NLGN1: variants seen among roughly 807,000 people sequenced by gnomAD.
NLGN1 encodes neuroligin-1.
A neutral mutation model predicts 65.5 loss-of-function variants in NLGN1; 12 were observed. The observed-to-expected ratio is 0.18, with a 90% CI of 0.12 to 0.30. NLGN1 has a LOEUF of 0.30. NLGN1 is among the 10% of genes least tolerant of loss of function. The probability of loss-of-function intolerance (pLI) is 1.00; values close to 1 mark genes in which losing one functional copy is unlikely to be tolerated. For synonymous variants in NLGN1, 350 were observed against 359.5 expected (o/e 0.97, Z 0.30); for missense variants, 750 against 1,007.1 (o/e 0.74, Z 3.46).
intron 2 of NLGN1, among the ~76,000 whole-genome samples, chr3:173,514,787 C>T (rs1360886767): frequency 6.6e-6 from 1 of 152,170 alleles, no homozygotes; most frequent in Non-Finnish European, 1.5e-5. Flanking sequence ...GCTTATTTCA[C>T]TTAGTACAAT....
chr3:173,446,693 G>A (rs1414069500), intron 2 of NLGN1, among the ~76,000 whole-genome samples: 1 of 152,136 alleles, frequency 6.6e-6, no homozygotes, highest in Non-Finnish European at 1.5e-5. Context: ...CAGTAAAAGT[G>A]TTACTATTTG....
At chr3:174,040,205 C>CT (rs1731978158) in intron 4 of NLGN1, among the ~76,000 whole-genome samples, 1 of 151,858 alleles carries the variant, frequency 6.6e-6, no homozygotes, top group African/African-American at 2.4e-5. Flanking sequence ...GGACTAGGGG[C>CT]TAAAGAAGGC....
intron 4 of NLGN1, among the ~76,000 whole-genome samples, chr3:174,036,527 A>G (rs922300788): frequency 1.5e-4 from 23 of 151,952 alleles, no homozygotes; most frequent in African/African-American, 5.6e-4. Flanking sequence ...AGTAGGGAAC[A>G]ACCCAAACAC....
At position 174,111,159 on chromosome 3, in the gene NLGN1, C is replaced by T. The variant is rs80149458; in HGVS notation, c.647-164156C>T. 1.7e-4 allele frequency among the ~76,000 whole-genome samples: 26 copies of T among 152,012 alleles called. No homozygotes were observed. The East Asian group carries it at 3.5e-3, about 20-fold the overall frequency. ...ACTATTAGATTTTACATTTTGCTAACTACTAATCTGCCAGTCTAAGAGAGG... is the reference window on the plus strand; with the variant it reads ...ACTATTAGATTTTACATTTTGCTAATTACTAATCTGCCAGTCTAAGAGAGG... On this transcript the variant is annotated intron_variant, in intron 4 of 6. Coordinates refer to ENST00000457714, the Ensembl canonical transcript of NLGN1.
chr3:173,873,435 T>A (rs1731547921), intron 4 of NLGN1, among the ~76,000 whole-genome samples: 1 of 152,158 alleles, frequency 6.6e-6, no homozygotes, highest in Non-Finnish European at 1.5e-5. Flanking sequence ...AGATGATTTT[T>A]GAAAAATATT....
At chr3:173,963,621 A>G (rs1714116987) in intron 4 of NLGN1, among the ~76,000 whole-genome samples, 1 of 152,206 alleles carries the variant, frequency 6.6e-6, no homozygotes, top group Non-Finnish European at 1.5e-5. Context: ...TGATTTGTGG[A>G]ATTTGGATAT....
intron 3 of NLGN1, among the ~76,000 whole-genome samples, chr3:173,723,477 C>G (rs557019062): frequency 1.3e-5 from 2 of 152,070 alleles, no homozygotes; most frequent in Admixed American, 1.3e-4. Flanking sequence ...ACAATAACTT[C>G]TCATTTCAAT....
chr3:173,900,587 A>G lies in NLGN1; in HGVS notation c.646+92755A>G, dbSNP rs1375601818. On this transcript the variant is annotated intron_variant, in intron 4 of 6. Transcript: ENST00000457714. ...ATCTCTGTTCTTTTTAGTTTTTCAT[A>G]AGAATGGGAGCAGAGAAAAAGGGAA... 1.7e-4 allele frequency among the ~76,000 whole-genome samples: 26 copies of G among 152,032 alleles called. 1 individual carries two copies.
chr3:173,919,555 G>A (rs1008954051), intron 4 of NLGN1, among the ~76,000 whole-genome samples: 3 of 152,124 alleles, frequency 2.0e-5, no homozygotes, highest in African/African-American at 7.2e-5. Context: ...CCAGCTAATG[G>A]TAGAGTTAAG....
chr3:174,157,698 G>A (rs9856353), intron 4 of NLGN1, among the ~76,000 whole-genome samples: 52,730 of 151,498 alleles, frequency 0.35, 11,807 homozygotes, highest in East Asian at 0.64. Context: ...TAACCTCTTC[G>A]TCTGCTGGAA....
At position 173,701,962 on chromosome 3, in the gene NLGN1, G is replaced by A. The variant is rs145940068; in HGVS notation, c.493+96871G>A. On this transcript the variant is annotated intron_variant, in intron 3 of 6. Transcript: ENST00000457714. ...TCATGTTTAAGAAGAGTTTTCGGCC[G>A]GGCGCGGTGGCTCACGCCTGTAATC... is the stretch of plus-strand genomic sequence containing the variant. 3.0e-3 allele frequency among the ~76,000 whole-genome samples: 459 copies of A among 152,258 alleles called. 1 individual carries two copies. Among genetic ancestry groups the A allele is most frequent in the African/African-American group, 0.011 (437 of 41,560 alleles).
At position 174,047,753 on chromosome 3, in the gene NLGN1, A is replaced by G. The variant is rs561112203; in HGVS notation, c.647-227562A>G. On this transcript the variant is annotated intron_variant, in intron 4 of 6. Coordinates refer to ENST00000457714, the Ensembl canonical transcript of NLGN1. ...CTATTCGTATTCCTATCATTATTTTATTTGCTTAAATATTCTTATCCTGTT... is the reference window on the plus strand; with the variant it reads ...CTATTCGTATTCCTATCATTATTTTGTTTGCTTAAATATTCTTATCCTGTT... Among the ~76,000 whole-genome samples, 124 of 151,720 alleles carry G rather than the reference A, an allele frequency of 8.2e-4. 4 individuals are homozygous for G. The South Asian group carries it at 0.021, about 26-fold the overall frequency.
chr3:173,874,306 G>T (rs1731724840), intron 4 of NLGN1, among the ~76,000 whole-genome samples: 2 of 152,100 alleles, frequency 1.3e-5, no homozygotes, highest in Non-Finnish European at 2.9e-5. Context: ...GACCTGTTAG[G>T]CGGTCTGATG....
At chr3:173,890,235 C>T (rs1244697741) in intron 4 of NLGN1, among the ~76,000 whole-genome samples, 1 of 152,078 alleles carries the variant, frequency 6.6e-6, no homozygotes, top group Non-Finnish European at 1.5e-5. Context: ...CTCTTTCAGT[C>T]GTTCAGATAA....
intron 3 of NLGN1, among the ~76,000 whole-genome samples, chr3:173,709,655 T>C (rs1261552826): frequency 6.6e-6 from 1 of 151,388 alleles, no homozygotes; most frequent in African/African-American, 2.4e-5. Flanking sequence ...TACAAAAAAT[T>C]AGCCGGGCAT....
chr3:173,608,864 G>A (rs985412120), intron 3 of NLGN1, among the ~76,000 whole-genome samples: 1 of 151,806 alleles, frequency 6.6e-6, no homozygotes, highest in African/African-American at 2.4e-5. Flanking sequence ...TCAAGCTAAT[G>A]TTAGCAGCCA....
intron 2 of NLGN1, among the ~76,000 whole-genome samples, chr3:173,462,054 T>C (rs1255320442): frequency 6.6e-6 from 1 of 152,216 alleles, no homozygotes; most frequent in Non-Finnish European, 1.5e-5. Flanking sequence ...CAAAAATCAA[T>C]TGTAAGAGAA....
intron 3 of NLGN1, among the ~76,000 whole-genome samples, chr3:173,687,107 G>A (rs1213733776): frequency 6.6e-6 from 1 of 152,144 alleles, no homozygotes; most frequent in Non-Finnish European, 1.5e-5. Flanking sequence ...TGCTGTGCTT[G>A]TAAAGAAACT....
rs565142223 is a variant in NLGN1, at chr3:173,954,891, A to T, written c.646+147059A>T. Among the ~76,000 whole-genome samples, 334 of 152,310 alleles carry T rather than the reference A, an allele frequency of 2.2e-3. 1 individual carries two copies. The highest frequency in any genetic ancestry group is 7.6e-3 in the African/African-American group (318 of 41,580). ...GTCATTGAATATGGAAATAATACTGAGTACTTGCAAAATGCATGAAATCTC... is the reference window on the plus strand; with the variant it reads ...GTCATTGAATATGGAAATAATACTGTGTACTTGCAAAATGCATGAAATCTC... On this transcript the variant is annotated intron_variant, in intron 4 of 6. Transcript: ENST00000457714.
Sources: allele counts gnomAD v4.1 joint callset (sites outside exome capture counted in the v4.1 genomes callset), GRCh38; gene constraint gnomAD v4.1.1; transcripts MANE v1.5; gene names NCBI Gene and HGNC (gene_info 2026-07-23, HGNC 2026-07-21).